Variants in SHPRH observed in about 807,000 individuals in gnomAD.
SHPRH encodes E3 ubiquitin-protein ligase SHPRH.
A neutral mutation model predicts 202.5 loss-of-function variants in SHPRH; 106 were observed. That is an observed-to-expected ratio of 0.52 (90% CI 0.45 to 0.62). The LOEUF (loss-of-function observed/expected upper bound fraction) is 0.62. Among genes scored for constraint, SHPRH ranks in the 20% least tolerant of loss-of-function variants. The probability of loss-of-function intolerance (pLI) is 0.00; values close to 1 mark genes in which losing one functional copy is unlikely to be tolerated. For missense variants in SHPRH, 1,710 were observed against 2,020.0 expected (o/e 0.85, Z 2.94); for synonymous variants, 729 against 686.0 (o/e 1.06, Z -0.98).
At chr6:145,888,996 G>A (rs1463077466) in intron 28 of SHPRH, among the ~76,000 whole-genome samples, 1 of 152,166 alleles carries the variant, frequency 6.6e-6, no homozygotes. Context: ...CAGGGTGGGA[G>A]TGAGAGTGCA....
At chr6:145,914,600 C>T (rs1413151257) in intron 23 of SHPRH, among the ~76,000 whole-genome samples, 1 of 152,134 alleles carries the variant, frequency 6.6e-6, no homozygotes, top group Non-Finnish European at 1.5e-5. Context: ...TTTTCCCATG[C>T]ATGGTAATTT....
intron 22 of SHPRH, 24 bp downstream of exon 22, chr6:145,919,324 T>C (rs1312927597): frequency 6.2e-7 from 1 of 1,611,900 alleles, no homozygotes; most frequent in Admixed American, 1.7e-5. Context: ...CTGTTCCCTT[T>C]TCTGTGATTT....
At chr6:145,960,936 G>C (rs909382291) in intron 1 of SHPRH, among the ~76,000 whole-genome samples, 1 of 152,008 alleles carries the variant, frequency 6.6e-6, no homozygotes, top group Non-Finnish European at 1.5e-5. Context: ...TCAGGCATTA[G>C]GTTTTAATAA....
chr6:145,947,428 C>A, intron 6 of SHPRH, 65 bp downstream of exon 6: 2 of 1,536,110 alleles, frequency 1.3e-6, no homozygotes, highest in South Asian at 2.5e-5. Flanking sequence ...AGCAAATGTT[C>A]AACATACGAT....
chr6:145,870,355 G>A (rs113299452), intron 2 of SHPRH, among the ~76,000 whole-genome samples: 2,000 of 149,244 alleles, frequency 0.013, 19 homozygotes, highest in Non-Finnish European at 0.02. Flanking sequence ...TCTGCCTCCC[G>A]GGTTCACACC....
At chr6:145,938,073 A>G (rs1786310063) in intron 11 of SHPRH, among the ~76,000 whole-genome samples, 2 of 152,180 alleles carry the variant, frequency 1.3e-5, no homozygotes, top group Admixed American at 1.3e-4. Flanking sequence ...ATCATCTGCT[A>G]TGGTTTGAAT....
chr6:145,866,584 C>T (rs1779792216), intron 2 of SHPRH, among the ~76,000 whole-genome samples: 1 of 152,192 alleles, frequency 6.6e-6, no homozygotes, highest in African/African-American at 2.4e-5. Context: ...TTATTAGCAG[C>T]ATGAGTGGCA....
intron 28 of SHPRH, among the ~76,000 whole-genome samples, chr6:145,890,094 C>A (rs1781449723): frequency 6.6e-6 from 1 of 152,094 alleles, no homozygotes; most frequent in South Asian, 2.1e-4. Context: ...AAAACAAAAA[C>A]CTCTCTTGAT....
chr6:145,921,448 C>A, intron 20 of SHPRH, 56 bp from the exon 21 acceptor site: 1 of 1,502,970 alleles, frequency 6.7e-7, no homozygotes, highest in South Asian at 1.2e-5. Context: ...TGAAAAGCAA[C>A]CTTCAATGTG....
At chr6:145,948,576 G>A (rs1787642880) in intron 4 of SHPRH, among the ~76,000 whole-genome samples, 1 of 151,818 alleles carries the variant, frequency 6.6e-6, no homozygotes, top group Non-Finnish European at 1.5e-5. Context: ...TTTGTTTTGG[G>A]CACAAATCCA....
chr6:145,867,651 G>T (rs1038317875), intron 2 of SHPRH, among the ~76,000 whole-genome samples: 10 of 137,608 alleles, frequency 7.3e-5, no homozygotes, highest in African/African-American at 2.4e-4. Flanking sequence ...GAGAGAGAGA[G>T]AGAGAGAGAG....
At chr6:145,939,272 T>C (rs148730654) in intron 11 of SHPRH, among the ~76,000 whole-genome samples, 86 of 152,324 alleles carry the variant, frequency 5.6e-4, no homozygotes, top group African/African-American at 2.0e-3. Context: ...TGGAGCTGAC[T>C]TGGAACACGA....
At chr6:145,883,099 T>G (rs540099245), downstream of SHPRH, 9 of 152,314 alleles carry the variant, frequency 5.9e-5, no homozygotes, top group East Asian at 1.7e-3. Flanking sequence ...AAAAGGCTGA[T>G]TTTTTGATAA....
chr6:145,894,096 G>A, intron 27 of SHPRH, 54 bp downstream of exon 27: 4 of 1,362,710 alleles, frequency 2.9e-6, no homozygotes, highest in Non-Finnish European at 4.1e-6. Context: ...GTTAACAGCA[G>A]TTTAAATTTG....
chr6:145,898,757 C>T (rs1218571731), intron 25 of SHPRH, among the ~76,000 whole-genome samples: 1 of 152,116 alleles, frequency 6.6e-6, no homozygotes, highest in Non-Finnish European at 1.5e-5. Flanking sequence ...AGGAAGCCCT[C>T]ACCAGAAGGG....
chr6:145,859,550 A>G (rs984026372), downstream of SHPRH, among the ~76,000 whole-genome samples: 107 of 152,104 alleles, frequency 7.0e-4, no homozygotes, highest in Non-Finnish European at 7.2e-4. Context: ...GAATGCATCA[A>G]TTTCAAATAA....
intron 2 of SHPRH, among the ~76,000 whole-genome samples, chr6:145,873,298 G>C (rs189078705): frequency 1.3e-5 from 2 of 152,222 alleles, no homozygotes; most frequent in East Asian, 3.9e-4. Flanking sequence ...TGATTGGCTG[G>C]TGGATTAGAT....
In SHPRH at chr6:145,945,585, T is replaced by G. The variant is rs1397025921; in HGVS notation, c.1374A>C (p.Gly458=). 1 of 1,612,644 alleles carries G rather than the reference T, an allele frequency of 6.2e-7. No homozygotes were observed. The highest frequency in any genetic ancestry group is 2.2e-5 in the East Asian group (1 of 44,802). ...TAVKEMNGKK[G]VSILSIYKYV... Reference sequence around the variant, plus strand: ...ACTTATAGATGGAAAGGATGGACACTCCTTTTTTTCCATTCATTTCTTTCA... The same window carrying G: ...ACTTATAGATGGAAAGGATGGACACGCCTTTTTTTCCATTCATTTCTTTCA... The change falls in exon 8 of 30, where the codon GGA becomes GGC. Residue 458 remains glycine (G), a synonymous_variant. Coordinates refer to ENST00000275233, the MANE Select transcript of SHPRH (RefSeq NM_001042683.3).
chr6:145,941,643 C>T lies in SHPRH; in HGVS notation c.2470G>A (p.Val824Ile), dbSNP rs914962371. ...WRICLDEAQM[V>I]ECPTVKAAEM... is the part of the protein sequence containing the mutation. ...CTCACTTTTACTGTGGGACACTCAA[C>T]CATCTGAGCTTCATCAAGGCAGATC... Residue 824 changes from valine to isoleucine, a missense_variant, in exon 10 of 30, where the codon GTT becomes ATT. Physicochemically the swap from Val to Ile is conservative, Grantham distance 29 (BLOSUM62 3). Around this residue, in one of 8 missense-constraint regions of SHPRH, gnomAD observed 277 missense variants for 363.0 expected, o/e 0.76. Coordinates refer to ENST00000275233, the MANE Select transcript of SHPRH (RefSeq NM_001042683.3). The T allele has an allele frequency of 2.5e-6, 4 of 1,613,940 alleles. No homozygotes were observed. The highest frequency in any genetic ancestry group is 3.4e-6 in the Non-Finnish European group (4 of 1,179,894).
Sources: allele counts gnomAD v4.1 joint callset (sites outside exome capture counted in the v4.1 genomes callset), GRCh38; gene constraint gnomAD v4.1.1; regional missense constraint gnomAD v4.1.1; transcripts MANE v1.5; gene names NCBI Gene and HGNC (gene_info 2026-07-23, HGNC 2026-07-21).